CYP7B1: variants seen among roughly 807,000 people sequenced by gnomAD.
CYP7B1 encodes cytochrome P450 family 7 subfamily B member 1.
CYP7B1 carries 29 observed loss-of-function variants against 42.7 expected under a neutral mutation model. The observed-to-expected ratio is 0.68, with a 90% CI of 0.51 to 0.93. CYP7B1 has a LOEUF of 0.93. CYP7B1 is among the 40% of genes least tolerant of loss of function. The pLI is 0.00. For missense variants in CYP7B1, 655 were observed against 600.5 expected (o/e 1.09, Z -0.95); for synonymous variants, 235 against 218.2 (o/e 1.08, Z -0.68).
intron 1 of CYP7B1, among the ~76,000 whole-genome samples, chr8:64,778,382 G>A (rs1585909960): frequency 6.6e-6 from 1 of 151,864 alleles, no homozygotes; most frequent in Non-Finnish European, 1.5e-5. Context: ...ATGTGAAAAA[G>A]GTCATTCAAA....
chr8:64,597,371 C>T (rs917376872), intron 5 of CYP7B1, among the ~76,000 whole-genome samples: 1 of 152,150 alleles, frequency 6.6e-6, no homozygotes, highest in African/African-American at 2.4e-5. Flanking sequence ...ATTCCTAATT[C>T]GAGTTTCTCT....
chr8:64,694,868 C>G (rs962950526), intron 1 of CYP7B1, among the ~76,000 whole-genome samples: 5 of 152,116 alleles, frequency 3.3e-5, no homozygotes, highest in Admixed American at 3.3e-4. Flanking sequence ...AATGTAGGAA[C>G]AAAAGTTATA....
chr8:64,697,195 G>T (rs2129632352), intron 1 of CYP7B1, among the ~76,000 whole-genome samples: 1 of 152,278 alleles, frequency 6.6e-6, no homozygotes, highest in East Asian at 1.9e-4. Context: ...TGTGTTAGGT[G>T]CTGGAGAATG....
At chr8:64,786,120 G>A (rs1429296164) in intron 1 of CYP7B1, among the ~76,000 whole-genome samples, 2 of 152,108 alleles carry the variant, frequency 1.3e-5, no homozygotes, top group Non-Finnish European at 2.9e-5. Flanking sequence ...AATTCAAGAT[G>A]AGATTTGGGT....
intron 1 of CYP7B1, among the ~76,000 whole-genome samples, chr8:64,662,834 G>A (rs1806218980): frequency 6.6e-6 from 1 of 152,096 alleles, no homozygotes; most frequent in South Asian, 2.1e-4. Flanking sequence ...TTATTAATTG[G>A]CAGAAATGGG....
chr8:64,795,900 A>T (rs1804695634), intron 1 of CYP7B1, among the ~76,000 whole-genome samples: 1 of 152,232 alleles, frequency 6.6e-6, no homozygotes. Context: ...TGTAGCCAAA[A>T]GAGGTGGAAT....
At chr8:64,713,509 A>G (rs1807111230) in intron 1 of CYP7B1, among the ~76,000 whole-genome samples, 1 of 152,150 alleles carries the variant, frequency 6.6e-6, no homozygotes, top group Admixed American at 6.5e-5. Context: ...ATGAACTTGA[A>G]AAGAAAGAAA....
intron 1 of CYP7B1, among the ~76,000 whole-genome samples, chr8:64,674,297 C>A (rs967824195): frequency 6.6e-6 from 1 of 152,010 alleles, no homozygotes; most frequent in African/African-American, 2.4e-5. Flanking sequence ...TTTGGTGTTT[C>A]CATTTTTGAG....
At chr8:64,646,810 C>A (rs1585829836) in intron 1 of CYP7B1, among the ~76,000 whole-genome samples, 1 of 152,206 alleles carries the variant, frequency 6.6e-6, no homozygotes, top group South Asian at 2.1e-4. Context: ...CTGGTTTGAT[C>A]TTTTATTCAG....
At position 64,690,649 on chromosome 8, in the gene CYP7B1, TA is replaced by T. The variant is rs140993928; in HGVS notation, c.123-66111del. 5.1e-3 allele frequency among the ~76,000 whole-genome samples: 783 copies of T among 152,336 alleles called. 6 individuals carry two copies. Among genetic ancestry groups the T allele is most frequent in the Admixed American group, 5.7e-3 (87 of 15,294 alleles). ...ATGGAATAACCAGCATTTTCAGTAG[TA>T]TATATATGTTGAGCCACGGTTAAAG... On this transcript the variant is annotated intron_variant, in intron 1 of 5. Transcript: ENST00000310193.
intron 1 of CYP7B1, among the ~76,000 whole-genome samples, chr8:64,625,602 G>C (rs1805598983): frequency 6.6e-6 from 1 of 152,140 alleles, no homozygotes; most frequent in South Asian, 2.1e-4. Context: ...ACTTAGTTTT[G>C]ACTAATATTT....
intron 5 of CYP7B1, among the ~76,000 whole-genome samples, chr8:64,597,629 T>C (rs952803979): frequency 6.6e-6 from 1 of 152,206 alleles, no homozygotes; most frequent in Admixed American, 6.5e-5. Flanking sequence ...ATAAATGAGT[T>C]ATATTAGTTT....
intron 2 of CYP7B1, 23 bp downstream of exon 2, chr8:64,624,380 G>T: frequency 3.7e-6 from 6 of 1,609,764 alleles, no homozygotes; most frequent in Non-Finnish European, 5.1e-6. Flanking sequence ...CATATATAAG[G>T]TATTAATAGA....
intron 4 of CYP7B1, among the ~76,000 whole-genome samples, chr8:64,612,203 T>G (rs1012400929): frequency 6.6e-6 from 1 of 152,200 alleles, no homozygotes; most frequent in South Asian, 2.1e-4. Context: ...GATTTTTTTC[T>G]GAGATAACTG....
chr8:64,791,559 T>A (rs1261078653), intron 1 of CYP7B1, among the ~76,000 whole-genome samples: 1 of 152,130 alleles, frequency 6.6e-6, no homozygotes, highest in Admixed American at 6.5e-5. Flanking sequence ...TAGGTCTTGG[T>A]GGCCTCCAGA....
chr8:64,789,116 C>G (rs747708072), intron 1 of CYP7B1, among the ~76,000 whole-genome samples: 3 of 151,984 alleles, frequency 2.0e-5, no homozygotes, highest in Non-Finnish European at 2.9e-5. Flanking sequence ...TCAGTAGAGA[C>G]AGGGTTTCAC....
At chr8:64,747,333 A>G (rs1485468922) in intron 1 of CYP7B1, among the ~76,000 whole-genome samples, 3 of 149,920 alleles carry the variant, frequency 2.0e-5, no homozygotes, top group Admixed American at 2.0e-4. Context: ...TGTATAGCTG[A>G]CCTTTGAACA....
intron 1 of CYP7B1, among the ~76,000 whole-genome samples, chr8:64,770,685 T>G (rs1235572814): frequency 6.6e-6 from 1 of 152,144 alleles, no homozygotes; most frequent in Admixed American, 6.5e-5. Context: ...CATTCCTTGG[T>G]GCTCAAGAGT....
chr8:64,645,539 A>G (rs1805937559), intron 1 of CYP7B1, among the ~76,000 whole-genome samples: 1 of 152,184 alleles, frequency 6.6e-6, no homozygotes, highest in Admixed American at 6.5e-5. Flanking sequence ...TGCTCAAGGA[A>G]ATAAAAGAGG....
Sources: allele counts gnomAD v4.1 joint callset (sites outside exome capture counted in the v4.1 genomes callset), GRCh38; gene constraint gnomAD v4.1.1; transcripts MANE v1.5; gene names NCBI Gene and HGNC (gene_info 2026-07-23, HGNC 2026-07-21).